The following SPTBN4 variants were observed in gnomAD, a reference collection of about 807,000 sequenced individuals.
SPTBN4 encodes the protein spectrin beta chain, non-erythrocytic 4.
In SPTBN4, 96 loss-of-function variants were observed where a neutral mutation model predicts 277.8. The ratio of observed to expected loss-of-function variants is 0.35; its 90% CI spans 0.29 to 0.41. The LOEUF is 0.41. SPTBN4 is among the 10% of genes least tolerant of loss of function. SPTBN4 has a pLI of 1.00. For missense variants in SPTBN4, 3,006 were observed against 3,595.7 expected, an observed-to-expected ratio of 0.84 and a Z score of 4.19; for synonymous variants, 1,481 against 1,580.3, an observed-to-expected ratio of 0.94 and a Z score of 1.49.
intron 15 of SPTBN4, among the ~76,000 whole-genome samples, chr19:40,517,227 C>A (rs994296455): frequency 2.0e-5 from 3 of 151,540 alleles, no homozygotes; most frequent in African/African-American, 7.3e-5. Context: ...GGTTACACAG[C>A]AAGTTAGGGG....
chr19:40,513,044 G>A lies in SPTBN4; in HGVS notation c.2255G>A (p.Arg752Gln). Reference sequence around the variant, plus strand: ...CTGGCGGAGCGCGCGGCGAGCGCCCGGCGCCGCTGGCAGAGGCTGGAAGAG... The same window carrying A: ...CTGGCGGAGCGCGCGGCGAGCGCCCAGCGCCGCTGGCAGAGGCTGGAAGAG... ...VGLAERAASA[R>Q]RRWQRLEEAA... The change falls in exon 14 of 36, where the codon CGG becomes CAG. Residue 752 changes from arginine to glutamine, a missense_variant. Around this residue, in one of 5 missense-constraint regions of SPTBN4, gnomAD observed 1,759 missense variants for 2,061.5 expected, o/e 0.85. Coordinates refer to ENST00000598249, the MANE Select transcript of SPTBN4 (RefSeq NM_020971.3). 5.6e-6 allele frequency: 8 copies of A among 1,420,460 alleles called. No homozygotes were observed. The highest frequency in any genetic ancestry group is 7.3e-6 in the Non-Finnish European group (8 of 1,094,258). The allele number at this position is 1,420,460 out of a possible 1,614,324, so 88.0% of individuals were successfully genotyped here. A position where few individuals can be genotyped will look rare whatever the true frequency, so the allele number is the denominator to read the frequency against.
chr19:40,509,240 T>A (rs1332771295), intron 13 of SPTBN4, among the ~76,000 whole-genome samples: 3 of 151,796 alleles, frequency 2.0e-5, no homozygotes, highest in African/African-American at 7.3e-5. Flanking sequence ...GAGATTATTA[T>A]TTTTACTTAT....
chr19:40,473,235 A>C (rs1480923359), intron 2 of SPTBN4, among the ~76,000 whole-genome samples: 1 of 151,702 alleles, frequency 6.6e-6, no homozygotes. Context: ...TTTTTAGTAG[A>C]CACCGGGTTT....
intron 30 of SPTBN4, chr19:40,566,958 A>G (rs2081097870): frequency 6.8e-6 from 2 of 295,324 alleles, no homozygotes; most frequent in Admixed American, 4.2e-5. Context: ...CTCCATCTCA[A>G]AACAACAACA....
Position 40,490,769 on chromosome 19 carries a change from G to A in SPTBN4, c.495+521G>A, listed in dbSNP as rs1239567996. ...TAGTTAGAGAAGTTTAAAAAGCTATGCAGGGCCAGGTGAAGTGGCCTGTAA... is the reference window on the plus strand; with the variant it reads ...TAGTTAGAGAAGTTTAAAAAGCTATACAGGGCCAGGTGAAGTGGCCTGTAA... On this transcript the variant is annotated intron_variant, in intron 4 of 35. Coordinates refer to ENST00000598249, the MANE Select transcript of SPTBN4 (RefSeq NM_020971.3). The surrounding 1 kb of genome is among the most constrained non-coding windows in gnomAD (Gnocchi z 4.3). 6.6e-6 allele frequency among the ~76,000 whole-genome samples: 1 copy of A among 152,222 alleles called. No individual in the cohort carries two copies. The highest frequency in any genetic ancestry group is 1.5e-5 in the Non-Finnish European group (1 of 68,032).
chr19:40,531,941 A>G (rs1437854510), intron 18 of SPTBN4, among the ~76,000 whole-genome samples: 2 of 151,842 alleles, frequency 1.3e-5, no homozygotes, highest in Non-Finnish European at 2.9e-5. Context: ...TTGGGGATCT[A>G]TGGTCTTAGA....
rs956268856 is a variant in SPTBN4 at position 40,469,456 on chromosome 19, G to A, written c.-16+2151G>A. On this transcript the variant is annotated intron_variant, in intron 1 of 35. Transcript: ENST00000598249. ...ATTTTTGTGTTTTTAGTAGAGATGG[G>A]GTTTCACCATGTTGGCCAGGCTGGT... Among the ~76,000 whole-genome samples, 6 of 151,356 alleles carry A rather than the reference G, an allele frequency of 4.0e-5. No individual in the cohort carries two copies. The Admixed American group carries it at 4.0e-4, about 10-fold the overall frequency.
At chr19:40,565,842 C>T (rs981652380) in intron 29 of SPTBN4, 97 bp downstream of exon 29, 4 of 1,343,460 alleles carry the variant, frequency 3.0e-6, no homozygotes, top group Non-Finnish European at 3.1e-6. Flanking sequence ...ATGCTTTGCA[C>T]CCTACCCATG....
intron 27 of SPTBN4, among the ~76,000 whole-genome samples, chr19:40,563,839 G>A (rs140588845): frequency 3.3e-5 from 5 of 151,790 alleles, no homozygotes; most frequent in African/African-American, 9.6e-5. Flanking sequence ...CCAGAAGTTC[G>A]AGACCAGCCT....
chr19:40,494,729 A>C (rs1293442511), intron 5 of SPTBN4, among the ~76,000 whole-genome samples, 168 bp from the exon 6 acceptor site: 1 of 150,792 alleles, frequency 6.6e-6, no homozygotes, highest in African/African-American at 2.4e-5. Context: ...GTATCTACCT[A>C]TCTCTCTCTC....
chr19:40,504,242 G>A, intron 12 of SPTBN4, 110 bp downstream of exon 12: 6 of 1,165,042 alleles, frequency 5.2e-6, no homozygotes, highest in Non-Finnish European at 7.2e-6. Flanking sequence ...GGCAGAGATA[G>A]AAGAAGATAG....
intron 30 of SPTBN4, chr19:40,567,298 AAAAT>A (rs57552574): frequency 0.24 from 33,843 of 141,646 alleles, 4,311 homozygotes; most frequent in East Asian, 0.36. Context: ...GACTGTCTCA[AAAAT>A]AAATAAATAA....
At position 40,490,040 on chromosome 19, in the gene SPTBN4, A is replaced by G; in HGVS notation, c.322-35A>G. 6.4e-7 allele frequency: 1 copy of G among 1,565,476 alleles called. No homozygotes were observed. Among genetic ancestry groups the G allele is most frequent in the Non-Finnish European group, 8.7e-7 (1 of 1,155,008 alleles). On this transcript the variant is annotated intron_variant, in intron 3 of 35. Coordinates refer to ENST00000598249, the MANE Select transcript of SPTBN4 (RefSeq NM_020971.3). The surrounding 1 kb of genome is among the most constrained non-coding windows in gnomAD (Gnocchi z 4.3). Reference sequence around the variant, plus strand: ...GAGGGCGCCATACTCCTGTCTGTCCAGACCCCCGATCGCCCACCGCCCCTG... The same window carrying G: ...GAGGGCGCCATACTCCTGTCTGTCCGGACCCCCGATCGCCCACCGCCCCTG...
intron 1 of SPTBN4, among the ~76,000 whole-genome samples, chr19:40,471,026 T>TGCA (rs2079879156): frequency 6.6e-6 from 1 of 151,654 alleles, no homozygotes; most frequent in African/African-American, 2.4e-5. Flanking sequence ...CTCGGCTCAC[T>TGCA]GCAGCCTCCA....
intron 5 of SPTBN4, among the ~76,000 whole-genome samples, chr19:40,494,225 A>T (rs1038970933): frequency 6.6e-6 from 1 of 152,194 alleles, no homozygotes; most frequent in African/African-American, 2.4e-5. Flanking sequence ...AAAGGAGATC[A>T]TGGGGACTTT....
At chr19:40,499,295 C>A (rs1173226632) in intron 7 of SPTBN4, among the ~76,000 whole-genome samples, 4 of 151,974 alleles carry the variant, frequency 2.6e-5, no homozygotes, top group Non-Finnish European at 4.4e-5. Context: ...TTGCCTCGTC[C>A]TCCCAAAGAG....
chr19:40,513,050 G>A lies in SPTBN4; in HGVS notation c.2261G>A (p.Arg754His), dbSNP rs780312618. 7.0e-5 allele frequency: 99 copies of A among 1,419,494 alleles called. No homozygotes were observed. The Middle Eastern group carries it at 1.0e-3, about 14-fold the overall frequency. 87.9% of individuals were successfully genotyped at this position (1,419,494 alleles called of 1,614,324 possible). The part of the protein sequence containing the change: ...LAERAASARR[R>H]WQRLEEAAAR... Reference sequence around the variant, plus strand: ...GAGCGCGCGGCGAGCGCCCGGCGCCGCTGGCAGAGGCTGGAAGAGGCGGCG... The same window carrying A: ...GAGCGCGCGGCGAGCGCCCGGCGCCACTGGCAGAGGCTGGAAGAGGCGGCG... Residue 754 changes from arginine (R) to histidine (H), a missense_variant, in exon 14 of 36, where the codon CGC becomes CAC. Physicochemically the swap from Arg to His is conservative, Grantham distance 29. Coordinates refer to ENST00000598249, the MANE Select transcript of SPTBN4 (RefSeq NM_020971.3).
intron 20 of SPTBN4, among the ~76,000 whole-genome samples, chr19:40,546,173 C>G (rs1464227777): frequency 2.1e-5 from 3 of 146,118 alleles, no homozygotes; most frequent in Non-Finnish European, 4.5e-5. Context: ...TGCAGTGAGC[C>G]GAGATCATGC....
intron 1 of SPTBN4, among the ~76,000 whole-genome samples, chr19:40,468,370 G>A (rs572387907): frequency 4.6e-5 from 7 of 152,060 alleles, no homozygotes; most frequent in East Asian, 1.9e-4. Context: ...GTGAGCCACC[G>A]CCTGGCCTAC....
Sources: gnomAD v4.1 joint callset for allele counts (sites outside exome capture counted in the v4.1 genomes callset) on GRCh38, gnomAD v4.1.1 for gene constraint, gnomAD v4.1.1 regional missense constraint, Gnocchi (gnomAD v3.1) non-coding constraint, MANE v1.5 for transcripts, NCBI Gene and HGNC (gene_info 2026-07-23, HGNC 2026-07-21) for gene names.